The following AMPH variants were observed in gnomAD, a reference collection of about 807,000 sequenced individuals.
The protein encoded by AMPH is amphiphysin (Stiff-Mann syndrome with breast cancer 128kD autoantigen).
AMPH carries 49 observed loss-of-function variants against 99.1 expected under a neutral mutation model. The observed-to-expected ratio is 0.49, with a 90% CI of 0.39 to 0.63. The LOEUF (loss-of-function observed/expected upper bound fraction) is 0.63. Ranked by LOEUF, AMPH falls within the 20% of genes least tolerant of loss-of-function variation. The probability of loss-of-function intolerance (pLI) is 0.00; values close to 1 mark genes in which losing one functional copy is unlikely to be tolerated. For synonymous variants in AMPH, 314 were observed against 317.3 expected, an observed-to-expected ratio of 0.99 and a Z score of 0.11; for missense variants, 759 against 863.4, an observed-to-expected ratio of 0.88 and a Z score of 1.52.
intron 15 of AMPH, 114 bp from the exon 16 acceptor site, chr7:38,422,591 T>TATCTATC: frequency 1.3e-6 from 1 of 742,042 alleles, no homozygotes; most frequent in Non-Finnish European, 2.2e-6. Flanking sequence ...TCTATCTATC[T>TATCTATC]ATCTATCTAT....
intron 5 of AMPH, among the ~76,000 whole-genome samples, chr7:38,489,911 T>C (rs1788656290): frequency 6.6e-6 from 1 of 152,124 alleles, no homozygotes; most frequent in Non-Finnish European, 1.5e-5. Context: ...TATTGTGCAG[T>C]TCAAAATCTG....
chr7:38,506,663 C>T (rs940273696), intron 2 of AMPH, among the ~76,000 whole-genome samples: 1 of 152,090 alleles, frequency 6.6e-6, no homozygotes, highest in African/African-American at 2.4e-5. Flanking sequence ...AGTGGTTTGT[C>T]TAGGGCACAT....
chr7:38,428,918 A>T, intron 14 of AMPH: 1 of 960,380 alleles, frequency 1.0e-6, no homozygotes, highest in Non-Finnish European at 1.5e-6. Context: ...CCACTTCATT[A>T]ATTTTTAAGG....
At chr7:38,422,654 C>T (rs1215022419) in intron 15 of AMPH, among the ~76,000 whole-genome samples, 177 bp from the exon 16 acceptor site, 1 of 151,570 alleles carries the variant, frequency 6.6e-6, no homozygotes, top group Non-Finnish European at 1.5e-5. Context: ...GAAAGGGTCT[C>T]CTCTGTTCCC....
chr7:38,528,297 GA>G, intron 2 of AMPH, among the ~76,000 whole-genome samples: 1 of 152,034 alleles, frequency 6.6e-6, no homozygotes, highest in East Asian at 1.9e-4. Context: ...TCTATTTTCT[GA>G]AAAAGATTAT....
chr7:38,445,010 T>TATATATATACACACACAC (rs1458295332), intron 11 of AMPH, among the ~76,000 whole-genome samples: 1 of 125,990 alleles, frequency 7.9e-6, no homozygotes, highest in Admixed American at 8.2e-5. Context: ...TATATATATA[T>TATATATATACACACACAC]ACACACACAC....
intron 12 of AMPH, among the ~76,000 whole-genome samples, chr7:38,435,163 G>T (rs1347178326): frequency 1.3e-5 from 2 of 152,114 alleles, no homozygotes; most frequent in Non-Finnish European, 2.9e-5. Context: ...TTTTTGCAAA[G>T]CATCTTCAAG....
In AMPH at chr7:38,573,480, G is replaced by T. The variant is rs533019975; in HGVS notation, c.70-38469C>A. 5.3e-5 allele frequency among the ~76,000 whole-genome samples: 8 copies of T among 152,300 alleles called. No individual in the cohort carries two copies. The East Asian group carries it at 9.6e-4, about 18-fold the overall frequency. ...ACATGAATCCAAGGTGTGAGCTTTG[G>T]TGTCACAGCATATTGGGTTTAAAGC... On this transcript the variant is annotated intron_variant, in intron 1 of 20. Coordinates refer to ENST00000356264, the MANE Select transcript of AMPH (RefSeq NM_001635.4).
chr7:38,426,638 A>G (rs1307161076), intron 15 of AMPH, among the ~76,000 whole-genome samples: 1 of 152,232 alleles, frequency 6.6e-6, no homozygotes, highest in Non-Finnish European at 1.5e-5. Context: ...TTTCTAGTAG[A>G]GGAATCGGTA....
intron 1 of AMPH, among the ~76,000 whole-genome samples, chr7:38,593,380 G>A (rs565434870): frequency 6.6e-6 from 1 of 152,334 alleles, no homozygotes; most frequent in East Asian, 1.9e-4. Context: ...AACTCCCAGT[G>A]TGCCCTACCA....
Position 38,428,472 on chromosome 7 carries a change from G to T in AMPH, c.1182+1370C>A, listed in dbSNP as rs923339208. 1.1e-4 allele frequency: 52 copies of T among 456,610 alleles called. 1 individual carries two copies. Among genetic ancestry groups the T allele is most frequent in the Middle Eastern group, 3.2e-4 (1 of 3,098 alleles). The allele number at this position is 456,610 out of a possible 1,614,324, so 28.3% of individuals were successfully genotyped here. A position where few individuals can be genotyped will look rare whatever the true frequency, so the allele number is the denominator to read the frequency against. Reference sequence around the variant, plus strand: ...TACTTCAAGTTTTATTGATAAAACAGCCTGATTTTTATCCCTGTCACCTAC... The same window carrying T: ...TACTTCAAGTTTTATTGATAAAACATCCTGATTTTTATCCCTGTCACCTAC... On this transcript the variant is annotated intron_variant, in intron 14 of 20. Transcript: ENST00000356264.
chr7:38,486,427 G>A (rs1044235989), intron 5 of AMPH, among the ~76,000 whole-genome samples: 3 of 151,818 alleles, frequency 2.0e-5, no homozygotes, highest in African/African-American at 7.3e-5. Context: ...GTAGTAAGGA[G>A]ATTTAATAGG....
At chr7:38,484,219 A>C (rs1441263094) in intron 5 of AMPH, among the ~76,000 whole-genome samples, 1 of 152,118 alleles carries the variant, frequency 6.6e-6, no homozygotes, top group East Asian at 1.9e-4. Context: ...ATGACTGAAA[A>C]CCTCCCAAAA....
At chr7:38,401,773 G>A (rs1784847383) in intron 17 of AMPH, among the ~76,000 whole-genome samples, 4 of 151,984 alleles carry the variant, frequency 2.6e-5, no homozygotes, top group Admixed American at 1.3e-4. Flanking sequence ...TTTCAATGTA[G>A]TCTCTCCCCA....
At chr7:38,474,775 C>T (rs773049641) in intron 7 of AMPH, among the ~76,000 whole-genome samples, 4 of 152,046 alleles carry the variant, frequency 2.6e-5, no homozygotes, top group Non-Finnish European at 5.9e-5. Context: ...TCAAAATGCA[C>T]GTAATTCCAC....
chr7:38,435,932 C>T (rs1196349394), intron 12 of AMPH, among the ~76,000 whole-genome samples: 2 of 152,114 alleles, frequency 1.3e-5, no homozygotes, highest in Non-Finnish European at 2.9e-5. Flanking sequence ...AAACCCAAAA[C>T]CAAAAGAAAG....
chr7:38,542,127 GGTC>G (rs1790829943), intron 1 of AMPH, among the ~76,000 whole-genome samples: 1 of 152,158 alleles, frequency 6.6e-6, no homozygotes, highest in Non-Finnish European at 1.5e-5. Flanking sequence ...CATCCAAGAT[GGTC>G]CTCTTCTCCA....
intron 1 of AMPH, among the ~76,000 whole-genome samples, chr7:38,608,400 A>G (rs1793507744): frequency 6.6e-6 from 1 of 152,086 alleles, no homozygotes; most frequent in Admixed American, 6.6e-5. Flanking sequence ...TAGACAATAA[A>G]CAATTGCCTG....
In AMPH at chr7:38,417,949, G is replaced by T; in HGVS notation, c.1274C>A (p.Ala425Asp). 1.2e-6 allele frequency: 2 copies of T among 1,613,252 alleles called. No homozygotes were observed. Among genetic ancestry groups the T allele is most frequent in the South Asian group, 2.2e-5 (2 of 90,926 alleles). Residue 425 changes from alanine (A) to aspartate (D), a missense_variant and splice_region_variant, in exon 17 of 21, where the codon GCT becomes GAT. Ala to Asp is a moderately radical substitution (Grantham distance 126). Coordinates refer to ENST00000356264, the MANE Select transcript of AMPH (RefSeq NM_001635.4). ...QTDQSMICNLAESEQAPPTEP... is the reference protein window; with the variant it reads ...QTDQSMICNLDESEQAPPTEP... ...TGTGGGTGGAGCCTGTTCAGATTCA[G>T]CCTTGGAGTGTTTGTTTTGAGGGTT... is the stretch of plus-strand genomic sequence containing the variant.
Sources: allele counts gnomAD v4.1 joint callset (sites outside exome capture counted in the v4.1 genomes callset), GRCh38; gene constraint gnomAD v4.1.1; transcripts MANE v1.5; gene names NCBI Gene and HGNC (gene_info 2026-07-23, HGNC 2026-07-21).